The following SNCAIP variants were observed in gnomAD, a reference collection of about 807,000 sequenced individuals.
The protein encoded by SNCAIP is synphilin-1.
SNCAIP carries 43 observed loss-of-function variants against 86.7 expected under a neutral mutation model. The ratio of observed to expected loss-of-function variants is 0.50; its 90% CI spans 0.39 to 0.64. The LOEUF is 0.64. Ranked by LOEUF, SNCAIP falls within the 30% of genes least tolerant of loss-of-function variation. The pLI is 0.00. For synonymous variants in SNCAIP, 417 were observed against 427.2 expected, an observed-to-expected ratio of 0.98 and a Z score of 0.29; for missense variants, 981 against 1,103.1, an observed-to-expected ratio of 0.89 and a Z score of 1.57.
At chr5:122,365,233 T>C (rs1293183896) in intron 1 of SNCAIP, among the ~76,000 whole-genome samples, 1 of 152,232 alleles carries the variant, frequency 6.6e-6, no homozygotes, top group Admixed American at 6.5e-5. Context: ...ACCAATTTTA[T>C]GATATATGCT....
intron 1 of SNCAIP, among the ~76,000 whole-genome samples, chr5:122,369,545 C>A (rs550250166): frequency 2.0e-5 from 3 of 152,190 alleles, no homozygotes; most frequent in Non-Finnish European, 2.9e-5. Flanking sequence ...TATAAATTCT[C>A]CCTTAATTCT....
chr5:122,445,719 C>CAA (rs544960705), intron 8 of SNCAIP, among the ~76,000 whole-genome samples: 8 of 117,734 alleles, frequency 6.8e-5, no homozygotes, highest in African/African-American at 1.6e-4. Flanking sequence ...AAAGTATAAT[C>CAA]AAAAAAAAAA....
rs980469751 is a variant in SNCAIP at position 122,315,560 on chromosome 5, T to C, written c.-47+3276T>C. 5.9e-5 allele frequency among the ~76,000 whole-genome samples: 9 copies of C among 152,338 alleles called. No homozygotes were observed. In the South Asian group the frequency reaches 6.2e-4, roughly 11 times the overall value. On this transcript the variant is annotated intron_variant, in intron 1 of 10. Coordinates refer to ENST00000261368, the MANE Select transcript of SNCAIP (RefSeq NM_005460.4). ...CCAGTTTTTGTGATCTACTACATTT[T>C]TGAGGATACTTGTGTCTAGCAGATG...
intron 1 of SNCAIP, among the ~76,000 whole-genome samples, chr5:122,363,695 A>AC (rs34043214): frequency 6.8e-5 from 10 of 146,896 alleles, no homozygotes; most frequent in Middle Eastern, 3.5e-3. Flanking sequence ...AAAAAAAAAA[A>AC]CCCCCTCTTG....
intron 10 of SNCAIP, chr5:122,453,028 T>C (rs1443719875): frequency 2.2e-6 from 3 of 1,370,266 alleles, no homozygotes; most frequent in Non-Finnish European, 3.0e-6. Flanking sequence ...CTGTGCGGCA[T>C]TGACATGCTT....
At chr5:122,457,414 G>T (rs561426578) in intron 10 of SNCAIP, among the ~76,000 whole-genome samples, 24 of 152,192 alleles carry the variant, frequency 1.6e-4, no homozygotes, top group African/African-American at 5.1e-4. Context: ...ACAACAGCCA[G>T]GTGCCTGAAG....
chr5:122,419,991 A>G (rs1280075172), intron 3 of SNCAIP, among the ~76,000 whole-genome samples: 1 of 152,208 alleles, frequency 6.6e-6, no homozygotes, highest in Non-Finnish European at 1.5e-5. Flanking sequence ...CCTTCTTCCC[A>G]TCCAGGTGTA....
intron 1 of SNCAIP, among the ~76,000 whole-genome samples, chr5:122,383,260 C>G (rs1767341317): frequency 6.6e-6 from 1 of 152,240 alleles, no homozygotes; most frequent in South Asian, 2.1e-4. Flanking sequence ...GTTTTTTAAG[C>G]TGGTCCAAAA....
chr5:122,370,346 AATT>A (rs1381073215), intron 1 of SNCAIP, among the ~76,000 whole-genome samples: 1 of 151,144 alleles, frequency 6.6e-6, no homozygotes, highest in Non-Finnish European at 1.5e-5. Flanking sequence ...GATATTAATT[AATT>A]ATTAAAATAT....
intron 7 of SNCAIP, among the ~76,000 whole-genome samples, chr5:122,442,112 CTTT>C (rs10688988): frequency 1.5e-5 from 1 of 65,730 alleles, no homozygotes; most frequent in Non-Finnish European, 2.8e-5. Flanking sequence ...AAGCAGTACT[CTTT>C]TTTTTTTTTT....
At chr5:122,359,325 T>C (rs1193594449) in intron 1 of SNCAIP, among the ~76,000 whole-genome samples, 1 of 139,578 alleles carries the variant, frequency 7.2e-6, no homozygotes, top group Non-Finnish European at 1.6e-5. Flanking sequence ...CTTATTTTCC[T>C]GAGTAAAAAC....
chr5:122,364,604 T>C (rs990681070), intron 1 of SNCAIP, among the ~76,000 whole-genome samples: 8 of 152,264 alleles, frequency 5.3e-5, no homozygotes, highest in African/African-American at 1.7e-4. Flanking sequence ...AATAAAACAA[T>C]GTTTATGAAT....
intron 1 of SNCAIP, among the ~76,000 whole-genome samples, chr5:122,334,616 G>A (rs948343469): frequency 6.6e-6 from 1 of 152,166 alleles, no homozygotes; most frequent in Non-Finnish European, 1.5e-5. Flanking sequence ...GTTGAGGGAA[G>A]GAAAACAGGG....
In SNCAIP at chr5:122,444,081, T is replaced by C. The variant is rs1363231240; in HGVS notation, c.1423-482T>C. ...CCCACTCTCAGCCATGTCATTTCTT[T>C]CCAGTTCTTTTTATTCCTGATCAGG... On this transcript the variant is annotated intron_variant, in intron 7 of 10. Coordinates refer to ENST00000261368, the MANE Select transcript of SNCAIP (RefSeq NM_005460.4). The C allele has an allele frequency of 6.6e-6, 3 of 457,098 alleles. No individual in the cohort carries two copies. In the Admixed American group the frequency reaches 7.0e-5, roughly 11 times the overall value. 28.3% of individuals were successfully genotyped at this position (457,098 alleles called of 1,614,324 possible). A position where few individuals can be genotyped will look rare whatever the true frequency, so the allele number is the denominator to read the frequency against.
At position 122,462,679 on chromosome 5, in the gene SNCAIP, C is replaced by T. The variant is rs551591727; in HGVS notation, c.2755-812C>T. Among the ~76,000 whole-genome samples, 140 of 152,284 alleles carry T rather than the reference C, an allele frequency of 9.2e-4. 1 individual carries two copies. The highest frequency in any genetic ancestry group is 4.9e-4 in the Non-Finnish European group (33 of 68,018). The stretch of plus-strand genomic sequence containing the variant: ...ACAATTTTGAGACTCTGGAGCCATG[C>T]CTGGGGTTCTCCTGCATCCAAATGT... On this transcript the variant is annotated intron_variant, in intron 10 of 10. Coordinates refer to ENST00000261368, the MANE Select transcript of SNCAIP (RefSeq NM_005460.4).
chr5:122,353,643 A>G (rs150988291), intron 1 of SNCAIP, among the ~76,000 whole-genome samples: 5 of 152,176 alleles, frequency 3.3e-5, no homozygotes, highest in Non-Finnish European at 5.9e-5. Flanking sequence ...AGATCTGATG[A>G]TTTTAAAAAG....
intron 1 of SNCAIP, among the ~76,000 whole-genome samples, chr5:122,338,573 G>A (rs1247319007): frequency 6.6e-6 from 1 of 152,136 alleles, no homozygotes; most frequent in African/African-American, 2.4e-5. Flanking sequence ...CATATATAAA[G>A]TTATGCTGAT....
intron 3 of SNCAIP, among the ~76,000 whole-genome samples, chr5:122,404,870 T>C: frequency 6.6e-6 from 1 of 152,232 alleles, no homozygotes; most frequent in East Asian, 1.9e-4. Flanking sequence ...TTAGTCTTTC[T>C]AGGTTTGTTT....
At chr5:122,338,264 C>A (rs1756899615) in intron 1 of SNCAIP, among the ~76,000 whole-genome samples, 1 of 152,124 alleles carries the variant, frequency 6.6e-6, no homozygotes, top group South Asian at 2.1e-4. Context: ...GTACTAAAAA[C>A]AGATGATATG....
Sources: gnomAD v4.1 joint callset for allele counts (sites outside exome capture counted in the v4.1 genomes callset) on GRCh38, gnomAD v4.1.1 for gene constraint, MANE v1.5 for transcripts, NCBI Gene and HGNC (gene_info 2026-07-23, HGNC 2026-07-21) for gene names.